Variants in ADH6 observed in about 807,000 individuals in gnomAD.
The protein encoded by ADH6 is alcohol dehydrogenase 6 (class V).
In ADH6, 34 loss-of-function variants were observed where a neutral mutation model predicts 36.5. The ratio of observed to expected loss-of-function variants is 0.93; its 90% CI spans 0.71 to 1.24. ADH6 has a LOEUF of 1.24. Ranked by LOEUF, ADH6 falls within the 50% of genes most tolerant of loss-of-function variation. The pLI, the probability that ADH6 is intolerant of heterozygous loss-of-function variation, is 0.00. For synonymous variants in ADH6, 161 were observed against 155.5 expected (o/e 1.04, Z -0.26); for missense variants, 440 against 447.0 (o/e 0.98, Z 0.14).
Position 99,210,521 on chromosome 4 carries a change from G to C in ADH6, c.263-19C>G. 6.4e-7 allele frequency: 1 copy of C among 1,557,958 alleles called. No homozygotes were observed. Among genetic ancestry groups the C allele is most frequent in the Non-Finnish European group, 8.8e-7 (1 of 1,133,216 alleles). On this transcript the variant is annotated intron_variant, in intron 3 of 8. Coordinates refer to ENST00000394899, the MANE Select transcript of ADH6 (RefSeq NM_001102470.2). ...TTGTCACCTAAAAGAGCAAAATCAT[G>C]TCTTATTAACATATTATTTTTTAAA...
intron 6 of ADH6, among the ~76,000 whole-genome samples, chr4:99,208,183 T>TA (rs1731103466): frequency 6.6e-6 from 1 of 152,158 alleles, no homozygotes; most frequent in Non-Finnish European, 1.5e-5. Context: ...AACCTAATAA[T>TA]ACATTATTTC....
chr4:99,204,046 A>G lies in ADH6; in HGVS notation c.*173T>C, dbSNP rs1398029980. Reference sequence around the variant, plus strand: ...GGTGACACTGGGTTACGTAAGAACAATTTTGATGAAATGGTTAGGTCAGAA... The same window carrying G: ...GGTGACACTGGGTTACGTAAGAACAGTTTTGATGAAATGGTTAGGTCAGAA... On this transcript the variant is annotated 3_prime_UTR_variant, in exon 9 of 9. Transcript: ENST00000394899. The G allele has an allele frequency of 1.4e-6, 1 of 712,028 alleles. No individual in the cohort carries two copies. The highest frequency in any genetic ancestry group is 3.1e-5 in the East Asian group (1 of 32,036). The allele number at this position is 712,028 out of a possible 1,614,324, so 44.1% of individuals were successfully genotyped here. A position where few individuals can be genotyped will look rare whatever the true frequency, so the allele number is the denominator to read the frequency against.
Position 99,203,962 on chromosome 4 carries a change from T to C in ADH6, c.*257A>G, listed in dbSNP as rs180812733. On this transcript the variant is annotated 3_prime_UTR_variant, in exon 9 of 9. Transcript: ENST00000394899. The stretch of plus-strand genomic sequence containing the variant: ...GCATTGACCTTTTATGTCTGAAGGA[T>C]GTGGAGTTGAGTGATTCAAGCCAAC... The C allele has an allele frequency of 2.2e-3, 997 of 452,316 alleles. No individual in the cohort carries two copies. Among genetic ancestry groups the C allele is most frequent in the Non-Finnish European group, 3.1e-3 (792 of 257,602 alleles). 28.0% of individuals were successfully genotyped at this position (452,316 alleles called of 1,614,324 possible).
At chr4:99,208,608 T>C in intron 6 of ADH6, 60 bp downstream of exon 6, 1 of 1,528,428 alleles carries the variant, frequency 6.5e-7, no homozygotes, top group Non-Finnish European at 8.8e-7. Flanking sequence ...CTCATTCAAC[T>C]ATAATCTAAA....
At chr4:99,212,171 C>T (rs1173705325) in intron 3 of ADH6, among the ~76,000 whole-genome samples, 2 of 151,866 alleles carry the variant, frequency 1.3e-5, no homozygotes, top group African/African-American at 4.8e-5. Flanking sequence ...CTGTTGTGTC[C>T]AAGAATATAT....
Position 99,203,960 on chromosome 4 carries a change from G to T in ADH6, c.*259C>A. On this transcript the variant is annotated 3_prime_UTR_variant, in exon 9 of 9. Transcript: ENST00000394899. ...TTGCATTGACCTTTTATGTCTGAAGGATGTGGAGTTGAGTGATTCAAGCCA... is the reference window on the plus strand; with the variant it reads ...TTGCATTGACCTTTTATGTCTGAAGTATGTGGAGTTGAGTGATTCAAGCCA... 2.2e-6 allele frequency: 1 copy of T among 445,280 alleles called. No individual in the cohort carries two copies. The highest frequency in any genetic ancestry group is 4.1e-5 in the South Asian group (1 of 24,190). The allele number at this position is 445,280 out of a possible 1,614,324, so 27.6% of individuals were successfully genotyped here.
chr4:99,205,809 G>T (rs1731013933), intron 7 of ADH6, among the ~76,000 whole-genome samples: 1 of 152,076 alleles, frequency 6.6e-6, no homozygotes, highest in Admixed American at 6.6e-5. Flanking sequence ...GTATAATGTG[G>T]CGTAATCTGC....
rs1229249729 is a variant in ADH6, at chr4:99,208,835, T to C, written c.661A>G (p.Ile221Val). 6.2e-7 allele frequency: 1 copy of C among 1,613,710 alleles called. No homozygotes were observed. Among genetic ancestry groups the C allele is most frequent in the African/African-American group, 1.3e-5 (1 of 74,874 alleles). The change falls in exon 6 of 9, where the codon ATT becomes GTT. Residue 221 changes from isoleucine (I) to valine (V), a missense_variant. Physicochemically the swap from Ile to Val is conservative, Grantham distance 29. Coordinates refer to ENST00000394899, the MANE Select transcript of ADH6 (RefSeq NM_001102470.2). The part of the protein sequence containing the change: ...GCKAAGAARI[I>V]GVDVNKEKFK... ...TTCTCCTTGTTGACATCCACTCCAA[T>C]GATCCTGGCTGCTCCTGCTGCTTTA...
chr4:99,212,924 T>C (rs748597097), intron 3 of ADH6, among the ~76,000 whole-genome samples: 4 of 152,042 alleles, frequency 2.6e-5, no homozygotes, highest in Non-Finnish European at 5.9e-5. Context: ...AATTTATCTA[T>C]ATAAATATCT....
rs1318627838 is a variant in ADH6, at chr4:99,219,135, T to G, written c.18A>C (p.Gln6His). 6.2e-7 allele frequency: 1 copy of G among 1,611,804 alleles called. No homozygotes were observed. The highest frequency in any genetic ancestry group is 8.5e-7 in the Non-Finnish European group (1 of 1,178,014). ...ACATAAAGAATAAGACTGCACCTAC[T>G]TGGCCTGTAGTACTCATGCTGATTT... MSTTG[Q>H]VIRCKAAILW... Residue 6 changes from glutamine to histidine, a missense_variant and splice_region_variant, in exon 1 of 9, where the codon CAA becomes CAC. By Grantham distance (24) the Gln-to-His change is conservative. Coordinates refer to ENST00000394899, the MANE Select transcript of ADH6 (RefSeq NM_001102470.2).
chr4:99,215,386 A>T (rs1731370621), intron 2 of ADH6, among the ~76,000 whole-genome samples: 1 of 152,246 alleles, frequency 6.6e-6, no homozygotes, highest in Non-Finnish European at 1.5e-5. Flanking sequence ...ACTATTTTCT[A>T]GTTTGGAGGA....
At chr4:99,210,552 G>A in intron 3 of ADH6, 50 bp from the exon 4 acceptor site, 1 of 1,415,200 alleles carries the variant, frequency 7.1e-7, no homozygotes. Context: ...TTAAAGTAAA[G>A]ACATAGCTGT....
chr4:99,204,542 C>G, intron 8 of ADH6: 1 of 1,231,746 alleles, frequency 8.1e-7, no homozygotes, highest in East Asian at 3.8e-5. Context: ...AATAATTCCT[C>G]TTCTCCCCCA....
At position 99,203,563 on chromosome 4, in the gene ADH6, A is replaced by G. The variant is rs1249822914; in HGVS notation, c.*656T>C. 6.6e-6 allele frequency: 1 copy of G among 151,946 alleles called. No homozygotes were observed. The highest frequency in any genetic ancestry group is 1.5e-5 in the Non-Finnish European group (1 of 67,954). 9.4% of individuals were successfully genotyped at this position (151,946 alleles called of 1,614,324 possible). A position where few individuals can be genotyped will look rare whatever the true frequency, so the allele number is the denominator to read the frequency against. On this transcript the variant is annotated 3_prime_UTR_variant, in exon 9 of 9. Transcript: ENST00000394899. Reference sequence around the variant, plus strand: ...TTGTAGGAAGTGTGGATCCTGCTAAATGATCCACCTCCTGTATGATGACTC... The same window carrying G: ...TTGTAGGAAGTGTGGATCCTGCTAAGTGATCCACCTCCTGTATGATGACTC...
chr4:99,208,474 A>G, intron 6 of ADH6, 194 bp downstream of exon 6: 2 of 494,134 alleles, frequency 4.0e-6, no homozygotes, highest in South Asian at 5.4e-5. Context: ...AAATTATATG[A>G]AAGTTCTAGA....
chr4:99,207,615 T>A (rs1179875706), intron 6 of ADH6, 34 bp from the exon 7 acceptor site: 1 of 1,599,730 alleles, frequency 6.3e-7, no homozygotes, highest in East Asian at 2.2e-5. Flanking sequence ...GTATAGGGGT[T>A]AAAAGATGTA....
intron 2 of ADH6, among the ~76,000 whole-genome samples, chr4:99,214,027 T>C (rs1455170419): frequency 2.0e-5 from 3 of 152,180 alleles, no homozygotes; most frequent in Non-Finnish European, 4.4e-5. Flanking sequence ...TGTGACTTGA[T>C]GTCTGAGGTC....
chr4:99,211,601 A>T (rs1187946506), intron 3 of ADH6, among the ~76,000 whole-genome samples: 1 of 152,196 alleles, frequency 6.6e-6, no homozygotes, highest in East Asian at 1.9e-4. Context: ...GTTATGCTAC[A>T]TGGCAAGGGG....
At chr4:99,210,333 T>C in intron 4 of ADH6, 35 bp from the exon 5 acceptor site, 1 of 1,604,128 alleles carries the variant, frequency 6.2e-7, no homozygotes, top group South Asian at 1.1e-5. Flanking sequence ...AAACACAAAG[T>C]TTATTTTGAA....
Sources: gnomAD v4.1 joint callset for allele counts (sites outside exome capture counted in the v4.1 genomes callset) on GRCh38, gnomAD v4.1.1 for gene constraint, MANE v1.5 for transcripts, NCBI Gene and HGNC (gene_info 2026-07-23, HGNC 2026-07-21) for gene names.